ATP8B2: variants seen among roughly 807,000 people sequenced by gnomAD.
ATP8B2 encodes phospholipid-transporting ATPase ID.
ATP8B2 carries 70 observed loss-of-function variants against 133.4 expected under a neutral mutation model. The observed-to-expected ratio is 0.52, with a 90% CI of 0.43 to 0.64. The LOEUF is 0.64. Among genes scored for constraint, ATP8B2 ranks in the 30% least tolerant of loss-of-function variants. The probability of loss-of-function intolerance (pLI) is 0.00; values close to 1 mark genes in which losing one functional copy is unlikely to be tolerated. For synonymous variants in ATP8B2, 517 were observed against 589.5 expected (o/e 0.88, Z 1.78); for missense variants, 1,101 against 1,535.7 (o/e 0.72, Z 4.73).
rs1214621491 is a variant in ATP8B2 at position 154,343,837 on chromosome 1, C to T, written c.1759-56C>T. The T allele has an allele frequency of 3.9e-6, 6 of 1,547,158 alleles. No individual in the cohort carries two copies. The highest frequency in any genetic ancestry group is 4.5e-5 in the East Asian group (2 of 44,378). On this transcript the variant is annotated intron_variant, in intron 17 of 27. Transcript: ENST00000368489. This position sits in a 1 kb window ranked among gnomAD's most constrained non-coding sequence, Gnocchi z 5.8. ...GCAGGATTATTCATTGTCGCCCTCACGCTGTCCATTAGCTCTCCAGACTTA... is the reference window on the plus strand; with the variant it reads ...GCAGGATTATTCATTGTCGCCCTCATGCTGTCCATTAGCTCTCCAGACTTA...
chr1:154,347,257 G>C (rs552808672), intron 26 of ATP8B2, among the ~76,000 whole-genome samples: 7 of 152,292 alleles, frequency 4.6e-5, no homozygotes, highest in African/African-American at 1.7e-4. Context: ...TGTCAATCCA[G>C]GAAGAGGAAA....
In ATP8B2 at chr1:154,340,931, C is replaced by G. The variant is rs1011384190; in HGVS notation, c.1112C>G (p.Pro371Arg). Residue 371 changes from proline to arginine, a missense_variant, in exon 13 of 28, where the codon CCT (proline) becomes CGT (arginine). Pro to Arg is a moderately radical substitution (Grantham distance 103). Transcript: ENST00000368489. The surrounding 1 kb of genome is among the most constrained non-coding windows in gnomAD (Gnocchi z 4.0). ...KKMFCMKKRT[P>R]AEARTTTLNE... Reference sequence around the variant, plus strand: ...ATGTTCTGCATGAAGAAGCGGACGCCTGCAGAAGCCCGCACCACCACCCTA... The same window carrying G: ...ATGTTCTGCATGAAGAAGCGGACGCGTGCAGAAGCCCGCACCACCACCCTA... The G allele has an allele frequency of 6.2e-7, 1 of 1,614,182 alleles. No individual in the cohort carries two copies. Among genetic ancestry groups the G allele is most frequent in the South Asian group, 1.1e-5 (1 of 91,086 alleles).
Position 154,350,071 on chromosome 1 carries a change from CTTTTTT to C in ATP8B2, c.*955_*960del. On this transcript the variant is annotated 3_prime_UTR_variant, in exon 28 of 28. Transcript: ENST00000368489. ...TAGTTTTCTTTTCTTTTTTCTTTTT[CTTTTTT>C]TCTTTTTTTTTTTGAGATGGAGTCT... The C allele has an allele frequency of 6.6e-6, 1 of 151,372 alleles. No homozygotes were observed. The highest frequency in any genetic ancestry group is 1.5e-5 in the Non-Finnish European group (1 of 67,922). The allele number at this position is 151,372 out of a possible 1,614,324, so 9.4% of individuals were successfully genotyped here.
chr1:154,332,162 T>C, intron 8 of ATP8B2, 138 bp downstream of exon 8: 3 of 790,684 alleles, frequency 3.8e-6, no homozygotes, highest in Non-Finnish European at 6.3e-6. Context: ...GGATGGGATG[T>C]GTGAAGTGTT....
chr1:154,327,069 A>G (rs1311702131), intron 1 of ATP8B2, among the ~76,000 whole-genome samples: 1 of 152,216 alleles, frequency 6.6e-6, no homozygotes. Flanking sequence ...CGAAGGGAGA[A>G]CTGGTGTGGG....
chr1:154,338,997 C>T (rs185297054), intron 12 of ATP8B2, among the ~76,000 whole-genome samples: 1 of 152,174 alleles, frequency 6.6e-6, no homozygotes, highest in Non-Finnish European at 1.5e-5. Context: ...GAGGAATGGC[C>T]AGGGGAAAGG....
rs908163693 is a variant in ATP8B2 at position 154,328,035 on chromosome 1, A to G, written c.-37-70A>G. 6.4e-7 allele frequency: 1 copy of G among 1,551,990 alleles called. No homozygotes were observed. Among genetic ancestry groups the G allele is most frequent in the Middle Eastern group, 1.7e-4 (1 of 5,936 alleles). On this transcript the variant is annotated intron_variant, in intron 1 of 27. Coordinates refer to ENST00000368489, the MANE Select transcript of ATP8B2 (RefSeq NM_001370597.1). This position sits in a 1 kb window ranked among gnomAD's most constrained non-coding sequence, Gnocchi z 4.6. ...AGAGCTGGAGAAGAGGGTCTTCAAA[A>G]GAGGTCTCATGAGGGGAGGGAAGGG...
chr1:154,346,319 T>C lies in ATP8B2; in HGVS notation c.2867T>C (p.Ile956Thr). ...NLLFNKREFF[I>T]CIAQGIYTSV... The stretch of plus-strand genomic sequence containing the variant: ...CTCTTCAACAAGCGGGAGTTCTTCA[T>C]CTGCATCGCCCAGGGCATCTACACC... The change falls in exon 25 of 28, where the codon ATC becomes ACC. Residue 956 changes from isoleucine to threonine, a missense_variant. Transcript: ENST00000368489. This position sits in a 1 kb window ranked among gnomAD's most constrained non-coding sequence, Gnocchi z 4.5. 1.9e-6 allele frequency: 3 copies of C among 1,613,680 alleles called. No individual in the cohort carries two copies. The highest frequency in any genetic ancestry group is 1.7e-6 in the Non-Finnish European group (2 of 1,179,894).
chr1:154,332,583 G>T, intron 8 of ATP8B2, 35 bp from the exon 9 acceptor site: 1 of 1,510,630 alleles, frequency 6.6e-7, no homozygotes, highest in East Asian at 2.4e-5. Flanking sequence ...AGAGGATGAG[G>T]AGGGAGCGGG....
rs1234850156 is a variant in ATP8B2 at position 154,332,022 on chromosome 1, T to C, written c.507T>C (p.Asp169=). The part of the protein sequence containing the change: ...GLCYIETAEL[D]GETNMKVRQA... ...GTTACATAGAGACAGCAGAACTTGA[T>C]GGGTAAGTGGCATGCTCAGTGTCAG... The change falls in exon 8 of 28, where the codon GAT becomes GAC. Residue 169 remains aspartate, a splice_region_variant and synonymous_variant. Transcript: ENST00000368489. The C allele has an allele frequency of 1.2e-6, 2 of 1,613,312 alleles. No homozygotes were observed. The highest frequency in any genetic ancestry group is 1.7e-6 in the Non-Finnish European group (2 of 1,179,224).
At chr1:154,347,384 A>G (rs1006078379) in intron 26 of ATP8B2, among the ~76,000 whole-genome samples, 2 of 152,190 alleles carry the variant, frequency 1.3e-5, no homozygotes, top group African/African-American at 4.8e-5. Flanking sequence ...AGGATTATTT[A>G]AGCCCTTATG....
chr1:154,342,366 G>A (rs1379186120), intron 13 of ATP8B2, 114 bp from the exon 14 acceptor site: 9 of 1,043,184 alleles, frequency 8.6e-6, no homozygotes, highest in Middle Eastern at 2.9e-4. Context: ...GCTGCTCAGC[G>A]ATTAGGGTTG....
At position 154,348,482 on chromosome 1, in the gene ATP8B2, C is replaced by T; in HGVS notation, c.3238C>T (p.Pro1080Ser). 1.2e-6 allele frequency: 2 copies of T among 1,614,116 alleles called. No homozygotes were observed. The highest frequency in any genetic ancestry group is 1.7e-6 in the Non-Finnish European group (2 of 1,179,992). Residue 1080 changes from proline (P) to serine (S), a missense_variant, in exon 27 of 28, where the codon CCC (proline) becomes TCC (serine). Coordinates refer to ENST00000368489, the MANE Select transcript of ATP8B2 (RefSeq NM_001370597.1). ...GCTCACCACAGTCGTCTGCATCATG[C>T]CCGTGGTTGCCTTCCGATTCCTCAG... ...IVLTTVVCIM[P>S]VVAFRFLRLN...
chr1:154,331,664 A>G lies in ATP8B2; in HGVS notation c.424A>G (p.Asn142Asp), dbSNP rs150602180. The G allele has an allele frequency of 1.1e-5, 18 of 1,614,090 alleles. No individual in the cohort carries two copies. Among genetic ancestry groups the G allele is most frequent in the Non-Finnish European group, 1.4e-5 (17 of 1,180,028 alleles). The change falls in exon 7 of 28, where the codon AAC (asparagine) becomes GAC (aspartate). Residue 142 changes from asparagine to aspartate, a missense_variant. Physicochemically the swap from Asn to Asp is conservative, Grantham distance 23. Transcript: ENST00000368489. The surrounding 1 kb of genome is among the most constrained non-coding windows in gnomAD (Gnocchi z 4.8). ...CVGDIIKLEN[N>D]QFVAADLLLL... ...TGGTGATATTATCAAGCTAGAAAAT[A>G]ACCAGTTTGTGGCGGTAAGGGACAG...
rs1343031720 is a variant in ATP8B2, at chr1:154,331,521, A to C, written c.365+16A>C. 2 of 1,613,924 alleles carry C rather than the reference A, an allele frequency of 1.2e-6. No individual in the cohort carries two copies. Among genetic ancestry groups the C allele is most frequent in the African/African-American group, 2.7e-5 (2 of 74,922 alleles). On this transcript the variant is annotated intron_variant, in intron 6 of 27. Transcript: ENST00000368489. This position sits in a 1 kb window ranked among gnomAD's most constrained non-coding sequence, Gnocchi z 4.8. ...TCAATGGAATGTGAGTGCCTGTTGG[A>C]GACAAGAGCTCTGGGGACGAAGGGG...
chr1:154,326,215 C>T (rs961134908), intron 1 of ATP8B2, among the ~76,000 whole-genome samples: 2 of 152,044 alleles, frequency 1.3e-5, no homozygotes, highest in African/African-American at 2.4e-5. Context: ...GAGTTCTGTC[C>T]TTGGTGAGGG....
chr1:154,335,120 C>T (rs1157334276), intron 11 of ATP8B2, among the ~76,000 whole-genome samples: 2 of 152,160 alleles, frequency 1.3e-5, no homozygotes, highest in East Asian at 3.9e-4. Flanking sequence ...GCTGCCTGCC[C>T]GCCACATGCC....
At position 154,340,581 on chromosome 1, in the gene ATP8B2, T is replaced by G; in HGVS notation, c.1035-273T>G. 4.0e-6 allele frequency: 2 copies of G among 498,690 alleles called. No homozygotes were observed. The highest frequency in any genetic ancestry group is 7.5e-6 in the Non-Finnish European group (2 of 267,278). 30.9% of individuals were successfully genotyped at this position (498,690 alleles called of 1,614,324 possible). A position where few individuals can be genotyped will look rare whatever the true frequency, so the allele number is the denominator to read the frequency against. ...CGAGTGCCTTGTCTACAGCCCCTTT[T>G]CCTCCTTTGCTGTCTGTCCTGCCCA... On this transcript the variant is annotated intron_variant, in intron 12 of 27. Coordinates refer to ENST00000368489, the MANE Select transcript of ATP8B2 (RefSeq NM_001370597.1). This position sits in a 1 kb window ranked among gnomAD's most constrained non-coding sequence, Gnocchi z 4.0.
rs780967382 is a variant in ATP8B2 at position 154,340,954 on chromosome 1, C to T, written c.1135C>T (p.Leu379=). The stretch of plus-strand genomic sequence containing the variant: ...GCCTGCAGAAGCCCGCACCACCACC[C>T]TAAACGAGGAGCTGGGCCAGGTGGA... ...RTPAEARTTT[L]NEELGQVEYI... Residue 379 remains leucine (L), a synonymous_variant, in exon 13 of 28, where the codon CTA becomes TTA. Transcript: ENST00000368489. This position sits in a 1 kb window ranked among gnomAD's most constrained non-coding sequence, Gnocchi z 4.0. 18 of 1,614,044 alleles carry T rather than the reference C, an allele frequency of 1.1e-5. No homozygotes were observed. The highest frequency in any genetic ancestry group is 2.7e-5 in the African/African-American group (2 of 74,924).
Sources: gnomAD v4.1 joint callset for allele counts (sites outside exome capture counted in the v4.1 genomes callset) on GRCh38, gnomAD v4.1.1 for gene constraint, Gnocchi (gnomAD v3.1) non-coding constraint, MANE v1.5 for transcripts, NCBI Gene and HGNC (gene_info 2026-07-23, HGNC 2026-07-21) for gene names.